The following ENTREP2 variants were observed in gnomAD, a reference collection of about 807,000 sequenced individuals.
ENTREP2 encodes the protein protein ENTREP2.
chr15:29,642,507 AT>A, the ENTREP2 span, among the ~76,000 whole-genome samples: 2 of 135,100 alleles, frequency 1.5e-5, no homozygotes, highest in South Asian at 2.4e-4. Context: ...ACACATATAT[AT>A]CATATATACA....
At chr15:29,396,383 C>T in the ENTREP2 span, among the ~76,000 whole-genome samples, 1 of 151,844 alleles carries the variant, frequency 6.6e-6, no homozygotes, top group Non-Finnish European at 1.5e-5. Context: ...CTGTGTCTGG[C>T]TAATTTCACT....
the ENTREP2 span, among the ~76,000 whole-genome samples, chr15:29,149,673 G>A: frequency 6.6e-6 from 1 of 152,188 alleles, no homozygotes; most frequent in Non-Finnish European, 1.5e-5. Context: ...AGGCAGTGAT[G>A]TGCCCAAGAT....
the ENTREP2 span, among the ~76,000 whole-genome samples, chr15:29,668,509 A>C: frequency 1.3e-5 from 2 of 152,244 alleles, no homozygotes; most frequent in African/African-American, 4.8e-5. Flanking sequence ...GAAACCACTC[A>C]AACGCCCGTC....
chr15:29,213,963 G>C, the ENTREP2 span, among the ~76,000 whole-genome samples: 1 of 152,128 alleles, frequency 6.6e-6, no homozygotes, highest in Admixed American at 6.5e-5. Context: ...GGCCATCAGA[G>C]AAATGCAAAT....
the ENTREP2 span, among the ~76,000 whole-genome samples, chr15:29,337,984 G>A: frequency 1.3e-5 from 2 of 152,070 alleles, no homozygotes; most frequent in Non-Finnish European, 1.5e-5. Context: ...GTCAAATGAA[G>A]GTGACAACAA....
At chr15:29,372,013 A>G in the ENTREP2 span, among the ~76,000 whole-genome samples, 1 of 152,238 alleles carries the variant, frequency 6.6e-6, no homozygotes, top group African/African-American at 2.4e-5. Flanking sequence ...GAACTATCCA[A>G]TAGACGAATA....
the ENTREP2 span, among the ~76,000 whole-genome samples, chr15:29,293,351 C>T: frequency 2.0e-5 from 3 of 152,076 alleles, no homozygotes; most frequent in South Asian, 4.2e-4. Context: ...CCTGGGTTCA[C>T]GCCATTCTCC....
the ENTREP2 span, among the ~76,000 whole-genome samples, chr15:29,435,516 G>T: frequency 6.6e-6 from 1 of 152,110 alleles, no homozygotes; most frequent in Admixed American, 6.5e-5. Context: ...CTTTTTAGGG[G>T]ATGATAAAAC....
At chr15:29,252,603 G>T in the ENTREP2 span, 3 of 536,354 alleles carry the variant, frequency 5.6e-6, no homozygotes, top group Non-Finnish European at 3.3e-6. Flanking sequence ...TGAATAACAT[G>T]TATGTGTTTT....
the ENTREP2 span, among the ~76,000 whole-genome samples, chr15:29,447,386 A>G: frequency 1.3e-5 from 2 of 152,326 alleles, no homozygotes; most frequent in South Asian, 4.1e-4. Flanking sequence ...TGCATAGCAC[A>G]GTCTTCGCCA....
chr15:29,164,893 C>T, the ENTREP2 span, among the ~76,000 whole-genome samples: 9 of 152,036 alleles, frequency 5.9e-5, no homozygotes, highest in Non-Finnish European at 8.8e-5. Context: ...TTCAACAGCA[C>T]GTGGAAATTT....
the ENTREP2 span, among the ~76,000 whole-genome samples, chr15:29,602,632 G>A: frequency 6.6e-6 from 1 of 152,078 alleles, no homozygotes; most frequent in Non-Finnish European, 1.5e-5. Flanking sequence ...CCACCTCCTG[G>A]ATTCATGCAA....
chr15:29,620,133 G>C, the ENTREP2 span, among the ~76,000 whole-genome samples: 1 of 152,130 alleles, frequency 6.6e-6, no homozygotes, highest in Non-Finnish European at 1.5e-5. Context: ...GGTCAGCTGT[G>C]AGGAAGGACA....
the ENTREP2 span, among the ~76,000 whole-genome samples, chr15:29,162,243 A>G: frequency 6.6e-6 from 1 of 152,158 alleles, no homozygotes; most frequent in African/African-American, 2.4e-5. Context: ...GCGAGGGTAA[A>G]ACTCAACAGG....
At chr15:29,124,519 G>A in the ENTREP2 span, among the ~76,000 whole-genome samples, 4 of 152,102 alleles carry the variant, frequency 2.6e-5, no homozygotes, top group East Asian at 3.9e-4. Context: ...TAAGTGCACC[G>A]AGAGACAAAG....
chr15:29,489,341 G>C, the ENTREP2 span, among the ~76,000 whole-genome samples: 1 of 152,146 alleles, frequency 6.6e-6, no homozygotes, highest in Non-Finnish European at 1.5e-5. Flanking sequence ...ATGTAATATA[G>C]ACTAAACCAT....
the ENTREP2 span, among the ~76,000 whole-genome samples, chr15:29,289,125 T>A: frequency 6.6e-6 from 1 of 151,110 alleles, no homozygotes; most frequent in African/African-American, 2.4e-5. Context: ...GAGGATTGCT[T>A]GAGCCTAGGA....
chr15:29,356,554 C>T, the ENTREP2 span, among the ~76,000 whole-genome samples: 2 of 151,582 alleles, frequency 1.3e-5, no homozygotes, highest in Admixed American at 1.3e-4. Context: ...ATCCGCCCGC[C>T]TCGGCCTCCC....
the ENTREP2 span, among the ~76,000 whole-genome samples, chr15:29,481,283 C>T: frequency 6.6e-6 from 1 of 152,154 alleles, no homozygotes; most frequent in East Asian, 1.9e-4. Flanking sequence ...AAATGCAGAT[C>T]CTGCTACAAA....
Sources: allele counts gnomAD v4.1 joint callset (sites outside exome capture counted in the v4.1 genomes callset), GRCh38; gene constraint gnomAD v4.1.1; transcripts MANE v1.5; gene names NCBI Gene and HGNC (gene_info 2026-07-23, HGNC 2026-07-21).